Variants in KLHL8 observed in about 807,000 individuals in gnomAD.
KLHL8 encodes the protein kelch like family member 8.
A neutral mutation model predicts 63.5 loss-of-function variants in KLHL8; 38 were observed. That is an observed-to-expected ratio of 0.60 (90% CI 0.46 to 0.78). The LOEUF is 0.78. Ranked by LOEUF, KLHL8 falls within the 30% of genes least tolerant of loss-of-function variation. The pLI is 0.00. For synonymous variants in KLHL8, 224 were observed against 254.3 expected (o/e 0.88, Z 1.13); for missense variants, 566 against 752.4 (o/e 0.75, Z 2.90).
intron 1 of KLHL8, among the ~76,000 whole-genome samples, chr4:87,204,311 T>A (rs1381867092): frequency 6.6e-6 from 1 of 151,276 alleles, no homozygotes; most frequent in Non-Finnish European, 1.5e-5. Context: ...CAATACCAAG[T>A]GCTGGTGAGG....
chr4:87,189,728 TA>T (rs1006054698), intron 2 of KLHL8, among the ~76,000 whole-genome samples: 7 of 151,992 alleles, frequency 4.6e-5, no homozygotes, highest in Non-Finnish European at 1.0e-4. Context: ...CCACTTCACT[TA>T]AAAAAGTTTA....
At chr4:87,165,862 T>A (rs1312796136) in intron 8 of KLHL8, among the ~76,000 whole-genome samples, 2 of 152,242 alleles carry the variant, frequency 1.3e-5, no homozygotes, top group African/African-American at 2.4e-5. Flanking sequence ...TTTTTTCTTA[T>A]TCAAATCAGT....
chr4:87,167,606 G>C (rs1730452436), intron 8 of KLHL8: 1 of 494,950 alleles, frequency 2.0e-6, no homozygotes, highest in South Asian at 1.5e-5. Context: ...ACAGGAAGCA[G>C]CACCATGTGC....
At chr4:87,175,528 A>AT (rs1730790250) in intron 6 of KLHL8, among the ~76,000 whole-genome samples, 10 of 152,114 alleles carry the variant, frequency 6.6e-5, no homozygotes, top group Admixed American at 6.5e-4. Context: ...TAATTTTAAC[A>AT]TTTTTTAGGT....
At chr4:87,168,035 C>G (rs997877887) in intron 8 of KLHL8, among the ~76,000 whole-genome samples, 1 of 152,164 alleles carries the variant, frequency 6.6e-6, no homozygotes, top group Admixed American at 6.5e-5. Context: ...CTCTTTACCC[C>G]ACACCCCGCC....
In KLHL8 at chr4:87,185,683, T is replaced by G. The variant is rs1731225652; in HGVS notation, c.333A>C (p.Arg111Ser). 6.2e-7 allele frequency: 1 copy of G among 1,614,152 alleles called. No individual in the cohort carries two copies. The highest frequency in any genetic ancestry group is 2.2e-5 in the East Asian group (1 of 44,880). Residue 111 changes from arginine to serine, a missense_variant, in exon 3 of 10, where the codon AGA (arginine) becomes AGC (serine). Physicochemically the swap from Arg to Ser is moderately radical, Grantham distance 110 (BLOSUM62 -1). Transcript: ENST00000273963. Reference sequence around the variant, plus strand: ...CTTCTATTGCATCACCATCAAAATCTCTAATCTCAATCAGCGTTTGCTTGG... The same window carrying G: ...CTTCTATTGCATCACCATCAAAATCGCTAATCTCAATCAGCGTTTGCTTGG... ...AEAKQTLIEIRDFDGDAIEDL... is the reference protein window; with the variant it reads ...AEAKQTLIEISDFDGDAIEDL...
At chr4:87,193,580 A>C (rs1731576620) in intron 2 of KLHL8, among the ~76,000 whole-genome samples, 1 of 152,230 alleles carries the variant, frequency 6.6e-6, no homozygotes, top group Non-Finnish European at 1.5e-5. Flanking sequence ...ACACTCTACA[A>C]AAACAATAAG....
At chr4:87,197,130 A>G (rs1426532654) in intron 1 of KLHL8, among the ~76,000 whole-genome samples, 1 of 152,230 alleles carries the variant, frequency 6.6e-6, no homozygotes, top group African/African-American at 2.4e-5. Flanking sequence ...TCTGTGGCAG[A>G]CATACATGAC....
intron 2 of KLHL8, among the ~76,000 whole-genome samples, chr4:87,187,291 G>A (rs968320722): frequency 3.3e-5 from 5 of 151,874 alleles, no homozygotes; most frequent in Non-Finnish European, 7.4e-5. Flanking sequence ...AAACTCCTAA[G>A]CTCATGCAAT....
chr4:87,172,550 C>T (rs1730675176), intron 6 of KLHL8, among the ~76,000 whole-genome samples: 1 of 152,188 alleles, frequency 6.6e-6, no homozygotes, highest in Non-Finnish European at 1.5e-5. Context: ...TCCCATTCAC[C>T]ATGTTGTTTT....
chr4:87,235,190 C>G (rs1040185801), intron 1 of KLHL8, among the ~76,000 whole-genome samples: 2 of 152,110 alleles, frequency 1.3e-5, no homozygotes, highest in Non-Finnish European at 2.9e-5. Context: ...ATTCACTCAC[C>G]ACTCACTCCC....
chr4:87,214,807 T>C (rs1320621870), intron 1 of KLHL8, among the ~76,000 whole-genome samples: 1 of 151,962 alleles, frequency 6.6e-6, no homozygotes, highest in East Asian at 1.9e-4. Flanking sequence ...TTTGGTTTTG[T>C]TTTTTCTTTG....
At chr4:87,177,557 T>G (rs962500096) in intron 5 of KLHL8, among the ~76,000 whole-genome samples, 2 of 149,106 alleles carry the variant, frequency 1.3e-5, no homozygotes, top group Non-Finnish European at 3.0e-5. Context: ...ATATATAAAC[T>G]GTGCACACAC....
chr4:87,212,158 C>T (rs1051079006), intron 1 of KLHL8, among the ~76,000 whole-genome samples: 9 of 152,202 alleles, frequency 5.9e-5, no homozygotes, highest in African/African-American at 1.9e-4. Context: ...CACTCTCACA[C>T]TGCTGTTCAT....
intron 1 of KLHL8, among the ~76,000 whole-genome samples, chr4:87,235,045 AG>A (rs1733202808): frequency 3.3e-5 from 5 of 152,256 alleles, no homozygotes; most frequent in Non-Finnish European, 5.9e-5. Flanking sequence ...AAATAATTAC[AG>A]TAAGCTAGGG....
At chr4:87,173,474 C>G in intron 6 of KLHL8, among the ~76,000 whole-genome samples, 1 of 152,046 alleles carries the variant, frequency 6.6e-6, no homozygotes, top group Non-Finnish European at 1.5e-5. Context: ...TGGGTTTCAA[C>G]AGACTCATAG....
rs370009798 is a variant in KLHL8, at chr4:87,185,723, G to C, written c.293C>G (p.Ser98Cys). The change falls in exon 3 of 10, where the codon TCT becomes TGT. Residue 98 changes from serine (S) to cysteine (C), a missense_variant. By Grantham distance (112) the Ser-to-Cys change is moderately radical (BLOSUM62 -1). Coordinates refer to ENST00000273963, the MANE Select transcript of KLHL8 (RefSeq NM_020803.5). ...VIPYFRAMFL[S>C]EMAEAKQTLI... ...CGTTTGCTTGGCTTCAGCCATTTCA[G>C]AAAGAAACATGGCTCTAAAGTAGGG... 1.4e-5 allele frequency: 23 copies of C among 1,613,816 alleles called. No homozygotes were observed. The highest frequency in any genetic ancestry group is 5.3e-5 in the African/African-American group (4 of 74,904).
At chr4:87,211,604 C>A (rs984844621) in intron 1 of KLHL8, among the ~76,000 whole-genome samples, 8 of 152,174 alleles carry the variant, frequency 5.3e-5, no homozygotes, top group African/African-American at 1.9e-4. Context: ...CCAGCCTGGA[C>A]AACAAAGCAA....
chr4:87,208,338 G>A, intron 1 of KLHL8, among the ~76,000 whole-genome samples: 1 of 151,574 alleles, frequency 6.6e-6, no homozygotes, highest in Non-Finnish European at 1.5e-5. Flanking sequence ...ACTCTTGTTA[G>A]TCTAGTGAGT....
Sources: gnomAD v4.1 joint callset for allele counts (sites outside exome capture counted in the v4.1 genomes callset) on GRCh38, gnomAD v4.1.1 for gene constraint, MANE v1.5 for transcripts, NCBI Gene and HGNC (gene_info 2026-07-23, HGNC 2026-07-21) for gene names.